The following COQ3 variants were observed in gnomAD, a reference collection of about 807,000 sequenced individuals.
COQ3 encodes coenzyme Q3, methyltransferase.
Under a neutral mutation model 33.1 loss-of-function variants are expected in COQ3, and 29 were observed. The observed-to-expected ratio is 0.88, with a 90% CI of 0.65 to 1.19. The LOEUF (loss-of-function observed/expected upper bound fraction) is 1.19, where lower values mean the gene tolerates loss of function less well. Among genes scored for constraint, COQ3 ranks in the 50% most tolerant of loss-of-function variants. The pLI, the probability that COQ3 is intolerant of heterozygous loss-of-function variation, is 0.00. For synonymous variants in COQ3, 173 were observed against 157.8 expected (o/e 1.10, Z -0.72); for missense variants, 437 against 430.7 (o/e 1.01, Z -0.13).
At chr6:99,377,694 G>A (rs533312731) in intron 3 of COQ3, among the ~76,000 whole-genome samples, 1 of 151,862 alleles carries the variant, frequency 6.6e-6, no homozygotes, top group East Asian at 1.9e-4. Context: ...AAATAATCTA[G>A]TAGTAATTAT....
At chr6:99,379,545 G>A (rs546498492) in intron 3 of COQ3, among the ~76,000 whole-genome samples, 2 of 152,278 alleles carry the variant, frequency 1.3e-5, no homozygotes, top group East Asian at 3.9e-4. Flanking sequence ...TGATGCCACT[G>A]TAGGTCTGTA....
intron 4 of COQ3, 87 bp downstream of exon 4, chr6:99,377,299 A>T: frequency 9.5e-7 from 1 of 1,052,326 alleles, no homozygotes; most frequent in Non-Finnish European, 1.5e-6. Flanking sequence ...AATGAATAAT[A>T]TTATTTGTTG....
At chr6:99,389,897 T>C (rs1341638815) in intron 1 of COQ3, among the ~76,000 whole-genome samples, 1 of 152,108 alleles carries the variant, frequency 6.6e-6, no homozygotes, top group African/African-American at 2.4e-5. Flanking sequence ...GCGGATCACT[T>C]GAGGTCAGGA....
At chr6:99,379,960 T>C (rs1389805207) in intron 3 of COQ3, among the ~76,000 whole-genome samples, 1 of 152,154 alleles carries the variant, frequency 6.6e-6, no homozygotes, top group East Asian at 1.9e-4. Flanking sequence ...AACTTGATAA[T>C]ATACAAATAG....
At chr6:99,371,794 T>C (rs1221685796) in intron 5 of COQ3, among the ~76,000 whole-genome samples, 2 of 152,212 alleles carry the variant, frequency 1.3e-5, no homozygotes, top group African/African-American at 4.8e-5. Flanking sequence ...ATGTACTCAG[T>C]GAGTATATAC....
intron 6 of COQ3, among the ~76,000 whole-genome samples, chr6:99,370,509 C>T (rs898907946): frequency 5.3e-5 from 8 of 151,730 alleles, no homozygotes; most frequent in Non-Finnish European, 1.0e-4. Flanking sequence ...CCACCACACC[C>T]GGCTAATTTT....
intron 3 of COQ3, among the ~76,000 whole-genome samples, chr6:99,378,105 CATATATATATATAT>C (rs57039767): frequency 0.03 from 2,293 of 77,162 alleles, 82 homozygotes; most frequent in South Asian, 0.098. Flanking sequence ...GTAAACTAAA[CATATATATATATAT>C]ATATATATAT....
At chr6:99,381,093 T>C (rs148312092) in intron 2 of COQ3, among the ~76,000 whole-genome samples, 21 of 152,258 alleles carry the variant, frequency 1.4e-4, no homozygotes, top group African/African-American at 4.3e-4. Flanking sequence ...AAGTAAATTG[T>C]AGAGCTGGGA....
In COQ3 at chr6:99,377,124, C is replaced by T. The variant is rs559647726; in HGVS notation, c.486+262G>A. 3.3e-3 allele frequency among the ~76,000 whole-genome samples: 504 copies of T among 150,974 alleles called. 1 individual carries two copies. The highest frequency in any genetic ancestry group is 0.012 in the African/African-American group (480 of 41,148). Reference sequence around the variant, plus strand: ...TCCCGGGTTCAAGCGATTCTCCTGCCTCAGCCTCCCGAGTAGCTGGGATTA... The same window carrying T: ...TCCCGGGTTCAAGCGATTCTCCTGCTTCAGCCTCCCGAGTAGCTGGGATTA... On this transcript the variant is annotated intron_variant, in intron 4 of 6. Coordinates refer to ENST00000254759, the MANE Select transcript of COQ3 (RefSeq NM_017421.4).
chr6:99,383,581 A>G, intron 2 of COQ3, 117 bp downstream of exon 2: 1 of 716,050 alleles, frequency 1.4e-6, no homozygotes, highest in Non-Finnish European at 2.1e-6. Context: ...AATAAACACA[A>G]GCTACTTTAA....
intron 2 of COQ3, among the ~76,000 whole-genome samples, chr6:99,382,566 G>C (rs1056946208): frequency 6.6e-6 from 1 of 152,082 alleles, no homozygotes; most frequent in African/African-American, 2.4e-5. Flanking sequence ...TTTACAATAG[G>C]TAACAGTAGG....
intron 2 of COQ3, among the ~76,000 whole-genome samples, chr6:99,382,518 T>C (rs1326884682): frequency 1.3e-5 from 2 of 152,226 alleles, no homozygotes; most frequent in Non-Finnish European, 2.9e-5. Flanking sequence ...AGCCCCCTTG[T>C]CCATGCTTAA....
At chr6:99,388,458 C>A (rs1774717674) in intron 1 of COQ3, among the ~76,000 whole-genome samples, 1 of 150,532 alleles carries the variant, frequency 6.6e-6, no homozygotes. Flanking sequence ...CAGTTCTCCC[C>A]AAATTGTCCT....
intron 2 of COQ3, among the ~76,000 whole-genome samples, chr6:99,381,941 A>AAG (rs1238051954): frequency 1.3e-5 from 2 of 151,582 alleles, no homozygotes; most frequent in African/African-American, 4.9e-5. Context: ...AAAAAAAAAA[A>AAG]AGAATCTTCC....
In COQ3 at chr6:99,388,924, CACACACACA is replaced by C. The variant is rs751307165; in HGVS notation, c.107-5109_107-5101del. On this transcript the variant is annotated intron_variant, in intron 1 of 6. Coordinates refer to ENST00000254759, the MANE Select transcript of COQ3 (RefSeq NM_017421.4). ...ACACACACACACACACACACACACA[CACACACACA>C]CCCACATCCTCACTCTCTCCCACAA... Among the ~76,000 whole-genome samples the C allele has an allele frequency of 1.9e-3, 259 of 137,052 alleles. 2 individuals are homozygous for C. The highest frequency in any genetic ancestry group is 4.2e-3 in the South Asian group (19 of 4,472). 89.9% of individuals were successfully genotyped at this position (137,052 alleles called of 152,430 possible).
chr6:99,379,405 A>C (rs1007015473), intron 3 of COQ3, among the ~76,000 whole-genome samples: 2 of 152,178 alleles, frequency 1.3e-5, no homozygotes, highest in Non-Finnish European at 2.9e-5. Flanking sequence ...GCAACCTATA[A>C]GTTCCCGAAG....
intron 5 of COQ3, among the ~76,000 whole-genome samples, chr6:99,375,395 T>G (rs1367078959): frequency 6.6e-6 from 1 of 151,772 alleles, no homozygotes; most frequent in Non-Finnish European, 1.5e-5. Context: ...TCTTTTTTTT[T>G]TTTTTTGAGA....
At chr6:99,389,587 T>C (rs1213511973) in intron 1 of COQ3, among the ~76,000 whole-genome samples, 2 of 152,352 alleles carry the variant, frequency 1.3e-5, no homozygotes, top group South Asian at 2.1e-4. Flanking sequence ...ACTAGATTTG[T>C]ATGTAAGATT....
chr6:99,380,609 T>C (rs1467433046), intron 2 of COQ3, among the ~76,000 whole-genome samples: 1 of 152,096 alleles, frequency 6.6e-6, no homozygotes, highest in African/African-American at 2.4e-5. Context: ...TCATATCTAA[T>C]AATAATAACA....
Sources: gnomAD v4.1 joint callset for allele counts (sites outside exome capture counted in the v4.1 genomes callset) on GRCh38, gnomAD v4.1.1 for gene constraint, MANE v1.5 for transcripts, NCBI Gene and HGNC (gene_info 2026-07-23, HGNC 2026-07-21) for gene names.